WARS1: variants seen among roughly 807,000 people sequenced by gnomAD.
The protein encoded by WARS1 is tryptophan--tRNA ligase, cytoplasmic.
WARS1 carries 17 observed loss-of-function variants against 47.8 expected under a neutral mutation model. The ratio of observed to expected loss-of-function variants is 0.36; its 90% confidence interval spans 0.24 to 0.53. The LOEUF (loss-of-function observed/expected upper bound fraction) is 0.53, where lower values mean the gene tolerates loss of function less well. WARS1 is among the 20% of genes least tolerant of loss of function. WARS1 has a pLI of 0.91. For missense variants in WARS1, 434 were observed against 608.0 expected (o/e 0.71, Z 3.01); for synonymous variants, 208 against 228.1 (o/e 0.91, Z 0.79).
At chr14:100,370,693 T>C (rs746258076) in intron 1 of WARS1, among the ~76,000 whole-genome samples, 3 of 151,596 alleles carry the variant, frequency 2.0e-5, no homozygotes, top group Non-Finnish European at 4.4e-5. Flanking sequence ...CACAGAGGGG[T>C]TAAAAAAAAC....
At chr14:100,348,187 T>G (rs1291421718) in intron 6 of WARS1, among the ~76,000 whole-genome samples, 3 of 152,336 alleles carry the variant, frequency 2.0e-5, no homozygotes, top group African/African-American at 7.2e-5. Flanking sequence ...AGCCTATGCT[T>G]TTCTCACCAC....
At chr14:100,365,122 A>ACACACACAC (rs1895877450) in intron 2 of WARS1, among the ~76,000 whole-genome samples, 1 of 72,604 alleles carries the variant, frequency 1.4e-5, no homozygotes, top group Non-Finnish European at 3.0e-5. Flanking sequence ...TGTCTCAAAA[A>ACACACACAC]ATACACACAC....
At chr14:100,337,959 A>C in intron 9 of WARS1, among the ~76,000 whole-genome samples, 1 of 152,158 alleles carries the variant, frequency 6.6e-6, no homozygotes, top group East Asian at 1.9e-4. Context: ...TCTCTTAGGG[A>C]TAGGTACTGC....
At chr14:100,351,240 G>A (rs1595432222) in intron 6 of WARS1, among the ~76,000 whole-genome samples, 1 of 152,204 alleles carries the variant, frequency 6.6e-6, no homozygotes, top group Non-Finnish European at 1.5e-5. Context: ...GGCAATGCCA[G>A]CAGCACTGCC....
chr14:100,360,715 G>C (rs1353440909), intron 3 of WARS1, 53 bp from the exon 4 acceptor site: 2 of 1,330,286 alleles, frequency 1.5e-6, no homozygotes, highest in Admixed American at 1.8e-5. Flanking sequence ...TTAGTGATCA[G>C]ATATTACTGA....
At chr14:100,343,220 G>A in intron 8 of WARS1, 55 bp downstream of exon 8, 1 of 1,470,954 alleles carries the variant, frequency 6.8e-7, no homozygotes, top group African/African-American at 1.4e-5. Context: ...AAGAGTAAGA[G>A]GAACCTGCTG....
chr14:100,339,379 C>T (rs1322232949), intron 9 of WARS1, among the ~76,000 whole-genome samples: 1 of 151,982 alleles, frequency 6.6e-6, no homozygotes, highest in African/African-American at 2.4e-5. Context: ...ATTACGAGGT[C>T]AGGAGATCAA....
intron 2 of WARS1, among the ~76,000 whole-genome samples, chr14:100,367,675 G>A (rs1896089998): frequency 6.6e-6 from 1 of 151,182 alleles, no homozygotes; most frequent in South Asian, 2.1e-4. Flanking sequence ...TCAGAACACG[G>A]GAACAAAGAA....
intron 2 of WARS1, chr14:100,365,579 CAAAAAAAA>C: frequency 4.7e-5 from 4 of 84,984 alleles, no homozygotes; most frequent in South Asian, 2.8e-4. Flanking sequence ...GACTCAGCCT[CAAAAAAAA>C]AAAAAAAAAA....
intron 5 of WARS1, 33 bp from the exon 6 acceptor site, chr14:100,353,902 T>A (rs1895153806): frequency 6.3e-7 from 1 of 1,598,300 alleles, no homozygotes; most frequent in Non-Finnish European, 8.5e-7. Flanking sequence ...AGCTGACGTC[T>A]CATCTCCCCT....
intron 1 of WARS1, among the ~76,000 whole-genome samples, chr14:100,371,828 T>C (rs1309456846): frequency 3.3e-5 from 5 of 152,126 alleles, no homozygotes; most frequent in African/African-American, 7.2e-5. Flanking sequence ...GCAGAGGCGA[T>C]TGCTTGAGCT....
upstream of WARS1, chr14:100,376,279 C>A (rs570567497): frequency 1.2e-5 from 10 of 835,812 alleles, no homozygotes; most frequent in Admixed American, 4.4e-5. Flanking sequence ...CCGGGCCAGT[C>A]AGCGCTCCCG....
chr14:100,348,064 G>A (rs1894742398), intron 6 of WARS1, among the ~76,000 whole-genome samples: 1 of 152,194 alleles, frequency 6.6e-6, no homozygotes. Context: ...CTTCAAAGTA[G>A]TAGCATTGCC....
In WARS1 at chr14:100,359,120, G is replaced by T. The variant is rs57411608; in HGVS notation, c.422+1434C>A. On this transcript the variant is annotated intron_variant, in intron 4 of 10. Transcript: ENST00000392882. The stretch of plus-strand genomic sequence containing the variant: ...TAGAAAAGTCTGTCAGTTCCTCAAA[G>T]AGTTAAACATGGAATTACTATATAA... Among the ~76,000 whole-genome samples, 295 of 152,302 alleles carry T rather than the reference G, an allele frequency of 1.9e-3. 1 individual carries two copies. The highest frequency in any genetic ancestry group is 6.4e-3 in the African/African-American group (267 of 41,572).
At chr14:100,349,846 A>G (rs1469763173) in intron 6 of WARS1, among the ~76,000 whole-genome samples, 1 of 152,246 alleles carries the variant, frequency 6.6e-6, no homozygotes, top group African/African-American at 2.4e-5. Flanking sequence ...GCTTTGTTGA[A>G]TTTCCAGCTC....
At chr14:100,363,319 A>G (rs1895767506) in intron 2 of WARS1, among the ~76,000 whole-genome samples, 1 of 152,102 alleles carries the variant, frequency 6.6e-6, no homozygotes, top group South Asian at 2.1e-4. Flanking sequence ...TAGCACCAAA[A>G]TAAGACAAGC....
intron 4 of WARS1, among the ~76,000 whole-genome samples, chr14:100,358,716 A>T (rs1190880825): frequency 6.6e-6 from 1 of 152,270 alleles, no homozygotes; most frequent in Non-Finnish European, 1.5e-5. Context: ...ACTTCAAAGG[A>T]CTATCAGTAG....
intron 9 of WARS1, among the ~76,000 whole-genome samples, chr14:100,337,785 G>A (rs1450267794): frequency 6.6e-6 from 1 of 152,036 alleles, no homozygotes; most frequent in Non-Finnish European, 1.5e-5. Context: ...TCAGACTCAG[G>A]AGTTTGAGGT....
At chr14:100,355,584 C>T (rs935721873) in intron 4 of WARS1, among the ~76,000 whole-genome samples, 6 of 152,096 alleles carry the variant, frequency 3.9e-5, no homozygotes, top group Non-Finnish European at 5.9e-5. Flanking sequence ...GGGAAACCAA[C>T]GCTCGAGGAT....
Sources: gnomAD v4.1 joint callset for allele counts (sites outside exome capture counted in the v4.1 genomes callset) on GRCh38, gnomAD v4.1.1 for gene constraint, MANE v1.5 for transcripts, NCBI Gene and HGNC (gene_info 2026-07-23, HGNC 2026-07-21) for gene names.